The following TUBB3 variants were observed in gnomAD, a reference collection of about 807,000 sequenced individuals.
TUBB3 encodes tubulin beta-3 chain.
TUBB3 carries 17 observed loss-of-function variants against 37.8 expected under a neutral mutation model. The observed-to-expected ratio is 0.45, with a 90% confidence interval of 0.31 to 0.67. TUBB3 has a LOEUF of 0.67. Among genes scored for constraint, TUBB3 ranks in the 30% least tolerant of loss-of-function variants. The pLI, the probability that TUBB3 is intolerant of heterozygous loss-of-function variation, is 0.07. For missense variants in TUBB3, 262 were observed against 657.9 expected, an observed-to-expected ratio of 0.40 and a Z score of 6.58; for synonymous variants, 332 against 278.9, an observed-to-expected ratio of 1.19 and a Z score of -1.90.
chr16:89,923,284 C>A, upstream of TUBB3: 1 of 817,656 alleles, frequency 1.2e-6, no homozygotes, highest in South Asian at 3.4e-5. Context: ...GCGGTGACAT[C>A]AGCCGATGCG....
chr16:89,931,234 A>C (rs1237646958), intron 1 of TUBB3, among the ~76,000 whole-genome samples: 1 of 152,210 alleles, frequency 6.6e-6, no homozygotes, highest in Non-Finnish European at 1.5e-5. Flanking sequence ...CTGGGATTAC[A>C]GTCATGAGCC....
upstream of TUBB3, among the ~76,000 whole-genome samples, chr16:89,922,915 C>T (rs1377421629): frequency 1.3e-5 from 2 of 152,270 alleles, no homozygotes; most frequent in African/African-American, 4.8e-5. Context: ...TGCCAAAAGA[C>T]AGGGAGCTGG....
chr16:89,935,107 C>T lies in TUBB3; in HGVS notation c.656C>T (p.Thr219Met). ...TGCTTCCGCACCCTCAAGCTGGCCA[C>T]GCCCACCTACGGGGACCTCAACCAC... ...DICFRTLKLA[T>M]PTYGDLNHLV... Residue 219 changes from threonine (T) to methionine (M), a missense_variant, in exon 4 of 4, where the codon ACG becomes ATG. Physicochemically the swap from Thr to Met is moderately conservative, Grantham distance 81. Around this residue, in one of 3 missense-constraint regions of TUBB3, gnomAD observed 165 missense variants for 556.8 expected, o/e 0.30. Coordinates refer to ENST00000315491, the MANE Select transcript of TUBB3 (RefSeq NM_006086.4). The T allele has an allele frequency of 1.9e-6, 3 of 1,614,192 alleles. No individual in the cohort carries two copies. The highest frequency in any genetic ancestry group is 2.5e-6 in the Non-Finnish European group (3 of 1,180,024).
rs1268865401 is a variant in TUBB3, at chr16:89,935,350, T to A, written c.899T>A (p.Met300Lys). Residue 300 changes from methionine to lysine, a missense_variant, in exon 4 of 4, where the codon ATG becomes AAG. Around this residue, in one of 3 missense-constraint regions of TUBB3, gnomAD observed 165 missense variants for 556.8 expected, o/e 0.30. Coordinates refer to ENST00000315491, the MANE Select transcript of TUBB3 (RefSeq NM_006086.4). Reference protein sequence around the residue: ...TQQMFDAKNMMAACDPRHGRY... With the variant: ...TQQMFDAKNMKAACDPRHGRY... ...CAGATGTTCGATGCCAAGAACATGA[T>A]GGCCGCCTGCGACCCGCGCCACGGC... is the stretch of plus-strand genomic sequence containing the variant. The A allele has an allele frequency of 6.2e-7, 1 of 1,613,878 alleles. No homozygotes were observed. Among genetic ancestry groups the A allele is most frequent in the African/African-American group, 1.3e-5 (1 of 74,942 alleles).
In TUBB3 at chr16:89,926,786, C is replaced by T. The variant is rs193281566; in HGVS notation, c.57+3328C>T. On this transcript the variant is annotated intron_variant, in intron 1 of 3. Transcript: ENST00000315491. Reference sequence around the variant, plus strand: ...AGGCTGGAGTGCAGTGGCGCGATCTCGGCTCATTGCAACCTCCACTTCCTG... The same window carrying T: ...AGGCTGGAGTGCAGTGGCGCGATCTTGGCTCATTGCAACCTCCACTTCCTG... Among the ~76,000 whole-genome samples the T allele has an allele frequency of 2.5e-3, 374 of 152,122 alleles. 7 individuals are homozygous for T. Among genetic ancestry groups the T allele is most frequent in the Non-Finnish European group, 7.2e-4 (49 of 67,994 alleles).
chr16:89,931,017 C>T (rs955030439), intron 1 of TUBB3, among the ~76,000 whole-genome samples: 67 of 151,958 alleles, frequency 4.4e-4, no homozygotes, highest in Admixed American at 1.2e-3. Context: ...TTAGTAGAGA[C>T]GGGGTTTCAC....
At chr16:89,930,952 C>G (rs1365618022) in intron 1 of TUBB3, among the ~76,000 whole-genome samples, 1 of 152,030 alleles carries the variant, frequency 6.6e-6, no homozygotes, top group African/African-American at 2.4e-5. Context: ...TTCAGCCTCC[C>G]GAGTAGCTGG....
At chr16:89,925,173 C>G (rs937525462) in intron 1 of TUBB3, among the ~76,000 whole-genome samples, 4 of 152,198 alleles carry the variant, frequency 2.6e-5, no homozygotes, top group Admixed American at 2.0e-4. Context: ...GAGCCCTTGT[C>G]CCCTGGACCG....
intron 1 of TUBB3, among the ~76,000 whole-genome samples, chr16:89,924,129 G>C (rs1270929986): frequency 6.6e-6 from 1 of 152,256 alleles, no homozygotes; most frequent in East Asian, 1.9e-4. Context: ...TCTGGGGATT[G>C]GATGTGGGAA....
intron 1 of TUBB3, among the ~76,000 whole-genome samples, chr16:89,927,884 G>A (rs1215614217): frequency 6.6e-6 from 1 of 152,206 alleles, no homozygotes; most frequent in African/African-American, 2.4e-5. Context: ...TCCTTTACAG[G>A]GGCTGGTGGT....
intron 1 of TUBB3, among the ~76,000 whole-genome samples, chr16:89,926,889 G>T (rs1414876238): frequency 1.3e-5 from 2 of 151,412 alleles, no homozygotes; most frequent in African/African-American, 4.9e-5. Context: ...GGCTTATTTT[G>T]TACTTTTACT....
At chr16:89,932,351 G>A (rs532289374) in intron 1 of TUBB3, among the ~76,000 whole-genome samples, 1 of 152,368 alleles carries the variant, frequency 6.6e-6, no homozygotes, top group East Asian at 1.9e-4. Context: ...CCCACCCTGG[G>A]GCTGTGGTCG....
chr16:89,935,868 C>A lies in TUBB3; in HGVS notation c.*64C>A. 1 of 1,542,546 alleles carries A rather than the reference C, an allele frequency of 6.5e-7. No individual in the cohort carries two copies. Among genetic ancestry groups the A allele is most frequent in the Non-Finnish European group, 8.8e-7 (1 of 1,141,072 alleles). On this transcript the variant is annotated 3_prime_UTR_variant, in exon 4 of 4. Transcript: ENST00000315491. ...GGGCCGAAGCCAGCAGTGTCTAAACCCCCGGAGCCATCTTGCTGCCGACAC... is the reference window on the plus strand; with the variant it reads ...GGGCCGAAGCCAGCAGTGTCTAAACACCCGGAGCCATCTTGCTGCCGACAC...
chr16:89,926,636 C>T (rs1567761537), intron 1 of TUBB3, among the ~76,000 whole-genome samples: 1 of 152,260 alleles, frequency 6.6e-6, no homozygotes, highest in Non-Finnish European at 1.5e-5. Flanking sequence ...TCCAGAGGCG[C>T]GATCTCGGCT....
intron 1 of TUBB3, chr16:89,932,232 A>G (rs2030303672): frequency 2.5e-6 from 1 of 394,462 alleles, no homozygotes; most frequent in Non-Finnish European, 4.8e-6. Flanking sequence ...ACTAACCCTC[A>G]AGGTGTTTAT....
chr16:89,934,858 C>T lies in TUBB3; in HGVS notation c.407C>T (p.Thr136Ile), dbSNP rs780815942. 1 of 1,614,146 alleles carries T rather than the reference C, an allele frequency of 6.2e-7. No homozygotes were observed. The highest frequency in any genetic ancestry group is 1.1e-5 in the South Asian group (1 of 91,090). The change falls in exon 4 of 4, where the codon ACC becomes ATC. Residue 136 changes from threonine (T) to isoleucine (I), a missense_variant. Thr to Ile is a moderately conservative substitution (Grantham distance 89). This residue lies in a region of TUBB3 where 165 missense variants were observed against 556.8 expected (regional missense o/e 0.30). Transcript: ENST00000315491. ...GACTGCCTGCAGGGCTTCCAGCTGA[C>T]CCACTCGCTGGGGGGCGGCACGGGC... The part of the protein sequence containing the change: ...NCDCLQGFQL[T>I]HSLGGGTGSG...
chr16:89,933,961 C>T, intron 3 of TUBB3: 1 of 409,732 alleles, frequency 2.4e-6, no homozygotes, highest in Non-Finnish European at 4.1e-6. Flanking sequence ...GCCACGTTCC[C>T]ATGTCTGTGT....
Position 89,935,663 on chromosome 16 carries a change from C to A in TUBB3, c.1212C>A (p.Asp404Glu). 6.2e-7 allele frequency: 1 copy of A among 1,613,768 alleles called. No homozygotes were observed. Among genetic ancestry groups the A allele is most frequent in the South Asian group, 1.1e-5 (1 of 91,074 alleles). The change falls in exon 4 of 4, where the codon GAC becomes GAA. Residue 404 changes from aspartate (D) to glutamate (E), a missense_variant. Physicochemically the swap from Asp to Glu is conservative, Grantham distance 45. This residue lies in a region of TUBB3 where 165 missense variants were observed against 556.8 expected (regional missense o/e 0.30). Transcript: ENST00000315491. ...FLHWYTGEGM[D>E]EMEFTEAESN... The stretch of plus-strand genomic sequence containing the variant: ...ACTGGTACACGGGCGAGGGCATGGA[C>A]GAGATGGAGTTCACCGAGGCCGAGA...
At chr16:89,923,508 A>G (rs1050463281) in intron 1 of TUBB3, 50 bp downstream of exon 1, 2 of 1,369,050 alleles carry the variant, frequency 1.5e-6, no homozygotes, top group Non-Finnish European at 1.9e-6. Context: ...GGGAGGAGGG[A>G]GGCGCCGTGC....
Sources: allele counts gnomAD v4.1 joint callset (sites outside exome capture counted in the v4.1 genomes callset), GRCh38; gene constraint gnomAD v4.1.1; regional missense constraint gnomAD v4.1.1; transcripts MANE v1.5; gene names NCBI Gene and HGNC (gene_info 2026-07-23, HGNC 2026-07-21).